Variants in CIROZ observed in about 807,000 individuals in gnomAD.
The protein encoded by CIROZ is ciliated left-right organizer ZP-N domains-containing protein.
the CIROZ span, among the ~76,000 whole-genome samples, chr1:10,954,724 T>C: frequency 6.6e-6 from 1 of 152,118 alleles, no homozygotes; most frequent in Non-Finnish European, 1.5e-5. Context: ...CATTACAGAC[T>C]CAACTCCCTA....
the CIROZ span, among the ~76,000 whole-genome samples, chr1:10,951,730 T>TAAAAAAA: frequency 4.4e-4 from 55 of 125,332 alleles, 1 homozygote; most frequent in African/African-American, 1.1e-3. Flanking sequence ...GTCTCTTATT[T>TAAAAAAA]AAAAAAAAAA....
chr1:10,971,673 T>G, the CIROZ span, among the ~76,000 whole-genome samples: 1 of 152,124 alleles, frequency 6.6e-6, no homozygotes, highest in Non-Finnish European at 1.5e-5. Context: ...GTTGGGAATA[T>G]GTTACCTAGT....
chr1:10,981,962 C>T, the CIROZ span: 3 of 1,533,516 alleles, frequency 2.0e-6, no homozygotes, highest in Admixed American at 5.9e-5. Flanking sequence ...AGTGTGGGCA[C>T]ACTAAGCATG....
chr1:10,980,182 C>A, the CIROZ span, among the ~76,000 whole-genome samples: 1 of 152,266 alleles, frequency 6.6e-6, no homozygotes, highest in African/African-American at 2.4e-5. Flanking sequence ...GGGCCTCAGG[C>A]CCAGCCCAGG....
the CIROZ span, chr1:10,966,436 A>C: frequency 6.5e-7 from 1 of 1,536,786 alleles, no homozygotes; most frequent in African/African-American, 1.4e-5. Flanking sequence ...GGAAGTAGCC[A>C]CATTTAGCAA....
At chr1:10,955,291 A>G in the CIROZ span, 1 of 1,046,172 alleles carries the variant, frequency 9.6e-7, no homozygotes, top group South Asian at 1.8e-5. Flanking sequence ...TGTGGCCGGC[A>G]CAGCACACTT....
At chr1:10,958,742 G>A in the CIROZ span, 1 of 1,614,030 alleles carries the variant, frequency 6.2e-7, no homozygotes, top group Non-Finnish European at 8.5e-7. Context: ...CAGGGGCAGG[G>A]GCCGGGAGAC....
chr1:10,951,745 A>ATATATATAT, the CIROZ span, among the ~76,000 whole-genome samples: 6 of 119,188 alleles, frequency 5.0e-5, no homozygotes, highest in African/African-American at 2.1e-4. Context: ...AAAAAAAAAA[A>ATATATATAT]ATATATATAT....
chr1:10,948,284 G>A, the CIROZ span: 104,681 of 1,613,778 alleles, frequency 0.065, 7,214 homozygotes, highest in African/African-American at 0.34. Flanking sequence ...CCGTTCCAGA[G>A]CACGTTTCCT....
chr1:10,949,011 G>A, the CIROZ span: 2 of 547,604 alleles, frequency 3.7e-6, no homozygotes, highest in Non-Finnish European at 5.8e-6. Flanking sequence ...GATCACTTGA[G>A]GCCAGGAGTT....
At chr1:10,961,914 G>A in the CIROZ span, among the ~76,000 whole-genome samples, 4 of 152,090 alleles carry the variant, frequency 2.6e-5, no homozygotes, top group East Asian at 3.9e-4. Flanking sequence ...ACCGCTGTAC[G>A]CCAGCCTAGG....
chr1:10,966,327 A>G, the CIROZ span: 2 of 1,488,246 alleles, frequency 1.3e-6, no homozygotes, highest in Non-Finnish European at 8.9e-7. Context: ...CTCCCTTTAA[A>G]AAAAAAAAAA....
At chr1:10,969,894 G>GA in the CIROZ span, 2 of 1,448,500 alleles carry the variant, frequency 1.4e-6, no homozygotes, top group Non-Finnish European at 1.8e-6. Context: ...AGCCATGGGG[G>GA]AGGAGCATTG....
the CIROZ span, among the ~76,000 whole-genome samples, chr1:10,952,570 C>G: frequency 8.1e-4 from 124 of 152,232 alleles, 2 homozygotes; most frequent in African/African-American, 2.7e-3. Context: ...TGCTCTGTTG[C>G]CCAGGCTGGA....
the CIROZ span, among the ~76,000 whole-genome samples, chr1:10,952,836 C>T: frequency 2.0e-5 from 3 of 152,178 alleles, no homozygotes; most frequent in Admixed American, 2.0e-4. Context: ...TCTTATCTCC[C>T]CTTCCAGATT....
At chr1:10,980,381 T>C in the CIROZ span, among the ~76,000 whole-genome samples, 2 of 152,232 alleles carry the variant, frequency 1.3e-5, no homozygotes, top group African/African-American at 4.8e-5. Flanking sequence ...GCCTCTCCCA[T>C]GGACGGCCGG....
chr1:10,976,081 C>A, the CIROZ span: 14 of 1,253,666 alleles, frequency 1.1e-5, no homozygotes, highest in Non-Finnish European at 1.6e-5. Context: ...TGTCACCCAG[C>A]AGGTTGGTTC....
chr1:10,965,434 T>C, the CIROZ span, among the ~76,000 whole-genome samples: 2 of 152,024 alleles, frequency 1.3e-5, no homozygotes, highest in East Asian at 3.9e-4. Flanking sequence ...GAAATTTAAG[T>C]AACAAGAATG....
At chr1:10,976,929 C>T in the CIROZ span, among the ~76,000 whole-genome samples, 24 of 151,948 alleles carry the variant, frequency 1.6e-4, no homozygotes, top group East Asian at 5.8e-4. Flanking sequence ...GCTGAGGCAG[C>T]GGGGGATGGC....
Sources: gnomAD v4.1 joint callset for allele counts (sites outside exome capture counted in the v4.1 genomes callset) on GRCh38, gnomAD v4.1.1 for gene constraint, MANE v1.5 for transcripts, NCBI Gene and HGNC (gene_info 2026-07-23, HGNC 2026-07-21) for gene names.